B3GAT1: variants seen among roughly 807,000 people sequenced by gnomAD.
B3GAT1 encodes galactosylgalactosylxylosylprotein 3-beta-glucuronosyltransferase 1.
Under a neutral mutation model 28.4 loss-of-function variants are expected in B3GAT1, and 11 were observed. The observed-to-expected ratio is 0.39, with a 90% CI of 0.24 to 0.64. The LOEUF is 0.64. B3GAT1 is among the 30% of genes least tolerant of loss of function. The pLI is 0.50. For synonymous variants in B3GAT1, 255 were observed against 223.1 expected (o/e 1.14, Z -1.27); for missense variants, 375 against 491.0 (o/e 0.76, Z 2.23).
intron 1 of B3GAT1, among the ~76,000 whole-genome samples, chr11:134,394,575 G>A (rs924291923): frequency 2.0e-5 from 3 of 152,222 alleles, no homozygotes; most frequent in African/African-American, 7.2e-5. Context: ...GTGCCCCCAG[G>A]AAGGCACTGC....
At chr11:134,384,564 C>G (rs191112750) in intron 2 of B3GAT1, 9 of 247,060 alleles carry the variant, frequency 3.6e-5, no homozygotes, top group Non-Finnish European at 4.7e-5. Context: ...GCTGGCCACA[C>G]TGCCCTGTGC....
chr11:134,402,232 G>C (rs577723304), intron 1 of B3GAT1, among the ~76,000 whole-genome samples: 3 of 152,150 alleles, frequency 2.0e-5, no homozygotes, highest in Non-Finnish European at 4.4e-5. Context: ...GTCAAGTCGC[G>C]GGTATGCCCC....
At chr11:134,402,429 T>C (rs1944636042) in intron 1 of B3GAT1, among the ~76,000 whole-genome samples, 1 of 152,118 alleles carries the variant, frequency 6.6e-6, no homozygotes. Context: ...CAGCGAGCCC[T>C]GGGCACTGTC....
chr11:134,382,614 T>G, intron 4 of B3GAT1, 96 bp downstream of exon 4: 4 of 1,424,268 alleles, frequency 2.8e-6, no homozygotes, highest in Non-Finnish European at 3.8e-6. Flanking sequence ...GCCCAGGCTA[T>G]TTTGAGGCCT....
intron 1 of B3GAT1, chr11:134,409,920 C>T (rs1944819468): frequency 6.6e-6 from 1 of 152,500 alleles, no homozygotes; most frequent in Non-Finnish European, 1.5e-5. Flanking sequence ...AACAATGGAG[C>T]ACCATGCTCC....
chr11:134,404,822 T>C (rs1038150804), intron 1 of B3GAT1, among the ~76,000 whole-genome samples: 2 of 152,164 alleles, frequency 1.3e-5, no homozygotes, highest in East Asian at 1.9e-4. Context: ...CGACAGGCGA[T>C]GAGTTAGGAG....
chr11:134,406,313 G>A (rs571626713), intron 1 of B3GAT1, among the ~76,000 whole-genome samples: 1 of 152,326 alleles, frequency 6.6e-6, no homozygotes, highest in African/African-American at 2.4e-5. Flanking sequence ...AAGTGTGGGG[G>A]CTTAGCAGAT....
At chr11:134,400,886 A>T (rs1037469637) in intron 1 of B3GAT1, among the ~76,000 whole-genome samples, 1 of 152,256 alleles carries the variant, frequency 6.6e-6, no homozygotes, top group Non-Finnish European at 1.5e-5. Context: ...CCAGGAATTT[A>T]GACCATTTAA....
chr11:134,399,740 T>C (rs1944574807), intron 1 of B3GAT1, among the ~76,000 whole-genome samples: 4 of 152,162 alleles, frequency 2.6e-5, no homozygotes, highest in Admixed American at 2.6e-4. Context: ...GGATGCTGAG[T>C]GCCGGTTGCA....
rs1944852450 is a variant in B3GAT1, at chr11:134,411,501, T to G, written c.-282+306A>C. Among the ~76,000 whole-genome samples, 1 of 152,036 alleles carries G rather than the reference T, an allele frequency of 6.6e-6. No homozygotes were observed. The highest frequency in any genetic ancestry group is 1.5e-5 in the Non-Finnish European group (1 of 67,964). ...GCTGAGGGGGCCGGGAACTGACGAC[T>G]GAGAGCCCGGGCCGATTGTTAGAAG... On this transcript the variant is annotated intron_variant, in intron 1 of 5. Coordinates refer to ENST00000312527, the MANE Select transcript of B3GAT1 (RefSeq NM_054025.3). This position sits in a 1 kb window ranked among gnomAD's most constrained non-coding sequence, Gnocchi z 6.0.
At chr11:134,396,809 A>G (rs1392468515) in intron 1 of B3GAT1, among the ~76,000 whole-genome samples, 2 of 152,146 alleles carry the variant, frequency 1.3e-5, no homozygotes, top group Non-Finnish European at 2.9e-5. Flanking sequence ...ACGGACCTGA[A>G]AGCCCCACGT....
At chr11:134,389,957 T>C (rs1944375146) in intron 1 of B3GAT1, 2 of 151,972 alleles carry the variant, frequency 1.3e-5, no homozygotes, top group South Asian at 2.1e-4. Context: ...AGGAGCACTG[T>C]GGTTTCCCAG....
At chr11:134,388,704 G>C (rs532714350) in intron 1 of B3GAT1, 1 of 152,158 alleles carries the variant, frequency 6.6e-6, no homozygotes, top group Admixed American at 6.5e-5. Context: ...AGAATGCATC[G>C]TGTTTGGTTT....
rs1944103034 is a variant in B3GAT1 at position 134,380,660 on chromosome 11, T to C, written c.*102A>G. ...GCCCCCAGAATAGAAAGGAGGGTGA[T>C]GGTGATTCCTTAGGAGTCGGCCTTG... On this transcript the variant is annotated 3_prime_UTR_variant, in exon 6 of 6. Transcript: ENST00000312527. 1 of 152,616 alleles carries C rather than the reference T, an allele frequency of 6.6e-6. No homozygotes were observed. The highest frequency in any genetic ancestry group is 1.5e-5 in the Non-Finnish European group (1 of 68,078). The allele number at this position is 152,616 out of a possible 1,614,324, so 9.5% of individuals were successfully genotyped here.
rs537658349 is a variant in B3GAT1 at position 134,386,998 on chromosome 11, C to T, written c.112+550G>A. 20 of 159,584 alleles carry T rather than the reference C, an allele frequency of 1.3e-4. No individual in the cohort carries two copies. The South Asian group carries it at 3.7e-3, about 30-fold the overall frequency. 9.9% of individuals were successfully genotyped at this position (159,584 alleles called of 1,614,324 possible). A position where few individuals can be genotyped will look rare whatever the true frequency, so the allele number is the denominator to read the frequency against. On this transcript the variant is annotated intron_variant, in intron 2 of 5. Transcript: ENST00000312527. Reference sequence around the variant, plus strand: ...CCCACTACCACCTTTATGGAGCTCTCCCACCCAAGCCAATCTTCCGCTGCC... The same window carrying T: ...CCCACTACCACCTTTATGGAGCTCTTCCACCCAAGCCAATCTTCCGCTGCC...
chr11:134,382,062 C>T (rs766588784), intron 4 of B3GAT1, 38 bp from the exon 5 acceptor site: 4 of 1,586,320 alleles, frequency 2.5e-6, no homozygotes, highest in Non-Finnish European at 3.5e-6. Context: ...TGGGACAGGC[C>T]CCTGACCTCA....
intron 1 of B3GAT1, among the ~76,000 whole-genome samples, chr11:134,403,626 C>A (rs1037972667): frequency 6.6e-6 from 1 of 152,106 alleles, no homozygotes; most frequent in South Asian, 2.1e-4. Flanking sequence ...GTGGGAAGGG[C>A]AAGTGGGGAG....
chr11:134,410,899 C>T (rs1228655180), intron 1 of B3GAT1, among the ~76,000 whole-genome samples: 2 of 152,260 alleles, frequency 1.3e-5, no homozygotes, highest in Non-Finnish European at 2.9e-5. Context: ...TGCAGGTGCC[C>T]ATGCACTGGG....
chr11:134,379,494 C>T lies in B3GAT1; in HGVS notation c.*1268G>A, dbSNP rs1327916770. 6.6e-6 allele frequency: 1 copy of T among 152,528 alleles called. No homozygotes were observed. Among genetic ancestry groups the T allele is most frequent in the Non-Finnish European group, 1.5e-5 (1 of 68,090 alleles). The allele number at this position is 152,528 out of a possible 1,614,324, so 9.4% of individuals were successfully genotyped here. ...CTGGGGAGGGCAGGAGTTTGAGGCA[C>T]ACTGTTCTTTCTCCAGGATGGAAAG... is the stretch of plus-strand genomic sequence containing the variant. On this transcript the variant is annotated 3_prime_UTR_variant, in exon 6 of 6. Transcript: ENST00000312527.
Sources: allele counts gnomAD v4.1 joint callset (sites outside exome capture counted in the v4.1 genomes callset), GRCh38; gene constraint gnomAD v4.1.1; non-coding constraint Gnocchi (gnomAD v3.1); transcripts MANE v1.5; gene names NCBI Gene and HGNC (gene_info 2026-07-23, HGNC 2026-07-21).